The following DIAPH3 variants were observed in gnomAD, a reference collection of about 807,000 sequenced individuals.
The protein encoded by DIAPH3 is protein diaphanous homolog 3.
DIAPH3 carries 117 observed loss-of-function variants against 144.3 expected under a neutral mutation model. The ratio of observed to expected loss-of-function variants is 0.81; its 90% confidence interval spans 0.70 to 0.95. The LOEUF (loss-of-function observed/expected upper bound fraction) is 0.95, where lower values mean the gene tolerates loss of function less well. Among genes scored for constraint, DIAPH3 ranks in the 40% least tolerant of loss-of-function variants. The probability of loss-of-function intolerance (pLI) is 0.00; values close to 1 mark genes in which losing one functional copy is unlikely to be tolerated. For missense variants in DIAPH3, 1,421 were observed against 1,412.7 expected (o/e 1.01, Z -0.09); for synonymous variants, 519 against 488.9 (o/e 1.06, Z -0.81).
intron 20 of DIAPH3, among the ~76,000 whole-genome samples, chr13:59,898,060 G>T (rs2046220725): frequency 6.7e-6 from 1 of 149,412 alleles, no homozygotes; most frequent in Non-Finnish European, 1.5e-5. Context: ...TTTGAACCTG[G>T]GGAGGCAGAG....
chr13:59,794,313 C>T (rs940690819), intron 25 of DIAPH3, among the ~76,000 whole-genome samples: 1 of 152,128 alleles, frequency 6.6e-6, no homozygotes, highest in Non-Finnish European at 1.5e-5. Context: ...ACCTCTACCT[C>T]TTATTGTGTC....
chr13:60,080,139 T>G (rs2057504982), intron 4 of DIAPH3, among the ~76,000 whole-genome samples: 1 of 151,954 alleles, frequency 6.6e-6, no homozygotes, highest in South Asian at 2.1e-4. Context: ...ACAGCTTTAA[T>G]TTTTACCATC....
chr13:60,047,449 T>A (rs1005067019), intron 4 of DIAPH3, among the ~76,000 whole-genome samples: 2 of 152,164 alleles, frequency 1.3e-5, no homozygotes, highest in Non-Finnish European at 2.9e-5. Context: ...CAAGATTAAC[T>A]ATAAATCTAT....
chr13:59,873,809 T>A (rs1382239452), intron 21 of DIAPH3, among the ~76,000 whole-genome samples: 1 of 151,722 alleles, frequency 6.6e-6, no homozygotes, highest in Non-Finnish European at 1.5e-5. Flanking sequence ...GTAGCTGGGA[T>A]TACAGGCGCC....
chr13:59,681,887 C>A (rs1593567466), intron 27 of DIAPH3, among the ~76,000 whole-genome samples: 1 of 152,292 alleles, frequency 6.6e-6, no homozygotes, highest in East Asian at 1.9e-4. Context: ...ACTTTAATAA[C>A]ATTTTTAAAC....
intron 24 of DIAPH3, among the ~76,000 whole-genome samples, chr13:59,831,911 C>A (rs1397381108): frequency 6.6e-6 from 1 of 151,864 alleles, no homozygotes; most frequent in East Asian, 1.9e-4. Flanking sequence ...ATACTGAAAA[C>A]ATTTTTATGG....
At chr13:60,088,484 T>A (rs2057825047) in intron 4 of DIAPH3, among the ~76,000 whole-genome samples, 1 of 152,132 alleles carries the variant, frequency 6.6e-6, no homozygotes, top group African/African-American at 2.4e-5. Flanking sequence ...CTTTCACTTG[T>A]CTGGAATATA....
At chr13:60,001,739 T>C (rs1361134999) in intron 9 of DIAPH3, among the ~76,000 whole-genome samples, 1 of 152,194 alleles carries the variant, frequency 6.6e-6, no homozygotes, top group Non-Finnish European at 1.5e-5. Flanking sequence ...ATAAGAAATG[T>C]TCAAGTGTTT....
intron 4 of DIAPH3, among the ~76,000 whole-genome samples, chr13:60,051,386 A>G (rs1385912341): frequency 6.6e-6 from 1 of 152,110 alleles, no homozygotes; most frequent in Non-Finnish European, 1.5e-5. Flanking sequence ...TTGGGAGGCT[A>G]AGACGGGTGG....
At chr13:59,991,886 G>A (rs1449639964) in intron 11 of DIAPH3, among the ~76,000 whole-genome samples, 182 bp downstream of exon 11, 7 of 151,950 alleles carry the variant, frequency 4.6e-5, no homozygotes, top group Admixed American at 1.3e-4. Flanking sequence ...TGCAGCATAC[G>A]CTTACATATA....
chr13:60,054,884 G>T (rs2056496726), intron 4 of DIAPH3, among the ~76,000 whole-genome samples: 1 of 151,822 alleles, frequency 6.6e-6, no homozygotes, highest in African/African-American at 2.4e-5. Flanking sequence ...TATACAAACA[G>T]ATCTCCAGTG....
At chr13:59,878,795 T>G (rs554687527) in intron 21 of DIAPH3, among the ~76,000 whole-genome samples, 1 of 152,198 alleles carries the variant, frequency 6.6e-6, no homozygotes, top group East Asian at 1.9e-4. Context: ...GGGGTCCCAT[T>G]TTTCTCTCCT....
At chr13:59,785,228 A>T (rs993661082) in intron 25 of DIAPH3, among the ~76,000 whole-genome samples, 1 of 152,210 alleles carries the variant, frequency 6.6e-6, no homozygotes, top group Non-Finnish European at 1.5e-5. Context: ...AAAAAACTCC[A>T]ATAGGTTAAT....
intron 20 of DIAPH3, among the ~76,000 whole-genome samples, chr13:59,888,230 G>A (rs2045572374): frequency 6.6e-6 from 1 of 151,962 alleles, no homozygotes; most frequent in African/African-American, 2.4e-5. Flanking sequence ...TCATAAAAGA[G>A]GGTCCAGAGA....
intron 24 of DIAPH3, among the ~76,000 whole-genome samples, chr13:59,813,448 G>A (rs1051148016): frequency 2.0e-5 from 3 of 151,976 alleles, no homozygotes; most frequent in African/African-American, 4.8e-5. Flanking sequence ...GTAGTAAGAG[G>A]CAGTAAGTTG....
chr13:59,666,585 T>A lies in DIAPH3; in HGVS notation c.3581A>T (p.Ter1194LeuextTer10), dbSNP rs1210834080. Reference sequence around the variant, plus strand: ...ATTTTTTTTAAAAACCAGTTTAACTTATAAAGCTCGTAATCTTGCCAGCAG... The same window carrying A: ...ATTTTTTTTAAAAACCAGTTTAACTAATAAAGCTCGTAATCTTGCCAGCAG... ...EALLARLRAL[*>L] Residue 1194 changes from the stop codon to leucine, a stop_lost, in exon 28 of 28, where the codon TAA (stop) becomes TTA (leucine). Coordinates refer to ENST00000400324, the MANE Select transcript of DIAPH3 (RefSeq NM_001042517.2). 2 of 1,613,950 alleles carry A rather than the reference T, an allele frequency of 1.2e-6. No individual in the cohort carries two copies. The highest frequency in any genetic ancestry group is 1.7e-6 in the Non-Finnish European group (2 of 1,179,988).
intron 27 of DIAPH3, among the ~76,000 whole-genome samples, chr13:59,720,235 A>C (rs548179108): frequency 8.1e-4 from 123 of 152,276 alleles, no homozygotes; most frequent in Middle Eastern, 3.4e-3. Context: ...CAGCTCCATT[A>C]TAATCTTATT....
chr13:60,045,561 C>T (rs1041933182), intron 4 of DIAPH3, among the ~76,000 whole-genome samples: 1 of 152,114 alleles, frequency 6.6e-6, no homozygotes, highest in Admixed American at 6.6e-5. Flanking sequence ...CAGACTATTG[C>T]ATTACTTACT....
At chr13:60,083,907 A>AGATGGATGGATG (rs61418371) in intron 4 of DIAPH3, among the ~76,000 whole-genome samples, 5 of 145,580 alleles carry the variant, frequency 3.4e-5, no homozygotes, top group African/African-American at 5.2e-5. Flanking sequence ...ATGGATGGAC[A>AGATGGATGGATG]GATGGATGGA....
Sources: allele counts gnomAD v4.1 joint callset (sites outside exome capture counted in the v4.1 genomes callset), GRCh38; gene constraint gnomAD v4.1.1; transcripts MANE v1.5; gene names NCBI Gene and HGNC (gene_info 2026-07-23, HGNC 2026-07-21).